SNED1: variants seen among roughly 807,000 people sequenced by gnomAD.
SNED1 encodes the protein sushi, nidogen and EGF like domains 1, also known as sushi, nidogen and EGF-like domain-containing protein 1.
SNED1 carries 81 observed loss-of-function variants against 166.7 expected under a neutral mutation model. The observed-to-expected ratio is 0.49, with a 90% CI of 0.41 to 0.58. The LOEUF (loss-of-function observed/expected upper bound fraction) is 0.58, where lower values mean the gene tolerates loss of function less well. Among genes scored for constraint, SNED1 ranks in the 20% least tolerant of loss-of-function variants. The pLI is 0.00. For missense variants in SNED1, 1,604 were observed against 2,000.2 expected, an observed-to-expected ratio of 0.80 and a Z score of 3.78; for synonymous variants, 762 against 822.0, an observed-to-expected ratio of 0.93 and a Z score of 1.25.
intron 27 of SNED1, among the ~76,000 whole-genome samples, chr2:241,078,210 C>T (rs1162862259): frequency 6.6e-6 from 1 of 151,588 alleles, no homozygotes; most frequent in Admixed American, 6.6e-5. Flanking sequence ...CGGTGAAACC[C>T]CGTCTCTACT....
At chr2:241,050,149 T>C in intron 12 of SNED1, 1 of 597,830 alleles carries the variant, frequency 1.7e-6, no homozygotes, top group Non-Finnish European at 3.1e-6. Flanking sequence ...TGCTGGTCAT[T>C]ACCTTGCTCT....
At chr2:241,070,305 C>A in intron 24 of SNED1, 104 bp downstream of exon 24, 2 of 1,244,066 alleles carry the variant, frequency 1.6e-6, no homozygotes, top group Non-Finnish European at 2.2e-6. Flanking sequence ...GCCAGGCAGA[C>A]AGCCTAGAAA....
chr2:241,027,731 C>CTTTTTTTTTTTTT lies in SNED1; in HGVS notation c.214-2552_214-2551insTTTTTTTTTTTTT, dbSNP rs1293401106. On this transcript the variant is annotated intron_variant, in intron 1 of 31. Coordinates refer to ENST00000310397, the MANE Select transcript of SNED1 (RefSeq NM_001080437.3). Reference sequence around the variant, plus strand: ...CTTCACCAACCCTTGTTATTTTCTTCTGTTTTTTTTTTTTTTTTTTAAGGT... The same window carrying CTTTTTTTTTTTTT: ...CTTCACCAACCCTTGTTATTTTCTTCTTTTTTTTTTTTTTGTTTTTTTTTTTTTTTTTTAAGGT... Among the ~76,000 whole-genome samples the CTTTTTTTTTTTTT allele has an allele frequency of 1.5e-5, 2 of 137,288 alleles. 1 individual carries two copies. The highest frequency in any genetic ancestry group is 3.1e-5 in the Non-Finnish European group (2 of 64,328). 90.1% of individuals were successfully genotyped at this position (137,288 alleles called of 152,430 possible).
At chr2:241,053,545 T>A (rs2061946471) in intron 16 of SNED1, among the ~76,000 whole-genome samples, 1 of 152,168 alleles carries the variant, frequency 6.6e-6, no homozygotes, top group African/African-American at 2.4e-5. Context: ...ACTAAAGGCT[T>A]CCCCATCCTC....
At chr2:241,043,432 C>G (rs187701681) in intron 8 of SNED1, among the ~76,000 whole-genome samples, 16 of 152,114 alleles carry the variant, frequency 1.1e-4, no homozygotes, top group African/African-American at 3.4e-4. Context: ...AAAAGTTAAG[C>G]TGAAATAAAG....
intron 27 of SNED1, among the ~76,000 whole-genome samples, chr2:241,080,881 G>C (rs1219935097): frequency 6.6e-6 from 1 of 152,242 alleles, no homozygotes; most frequent in African/African-American, 2.4e-5. Context: ...GGGTAGGTGA[G>C]GGAAAGCCTG....
At position 241,073,305 on chromosome 2, in the gene SNED1, C is replaced by G; in HGVS notation, c.3857C>G (p.Ala1286Gly). 1 of 1,571,674 alleles carries G rather than the reference C, an allele frequency of 6.4e-7. No homozygotes were observed. The highest frequency in any genetic ancestry group is 8.6e-7 in the Non-Finnish European group (1 of 1,159,742). The change falls in exon 27 of 32, where the codon GCC (alanine) becomes GGC (glycine). Residue 1286 changes from alanine (A) to glycine (G), a missense_variant. This residue lies in a region of SNED1 where 367 missense variants were observed against 379.4 expected (regional missense o/e 0.97). Coordinates refer to ENST00000310397, the MANE Select transcript of SNED1 (RefSeq NM_001080437.3). The surrounding 1 kb of genome is among the most constrained non-coding windows in gnomAD (Gnocchi z 6.6). ...GCGCAGCTCGAGAACATGGAGGAAG[C>G]CCCCAAGCGGGTCAGCCTGGCCCTC... ...ASAQLENMEE[A>G]PKRVSLALQL...
At chr2:241,040,493 T>C in intron 8 of SNED1, 80 bp downstream of exon 8, 1 of 879,830 alleles carries the variant, frequency 1.1e-6, no homozygotes, top group Non-Finnish European at 1.7e-6. Context: ...ACTTTCCCCT[T>C]CCTTCCTTGC....
chr2:241,055,718 C>G (rs1465265545), intron 16 of SNED1, among the ~76,000 whole-genome samples: 1 of 152,188 alleles, frequency 6.6e-6, no homozygotes, highest in Non-Finnish European at 1.5e-5. Context: ...GTTCTCAGCA[C>G]CTACCAGGTC....
intron 29 of SNED1, among the ~76,000 whole-genome samples, chr2:241,086,412 T>C (rs916335006): frequency 2.0e-5 from 3 of 152,192 alleles, no homozygotes; most frequent in Admixed American, 1.3e-4. Flanking sequence ...AACTTCAATC[T>C]CTGTTTCCTC....
chr2:241,044,715 C>T lies in SNED1; in HGVS notation c.1274-3600C>T, dbSNP rs374409733. Among the ~76,000 whole-genome samples, 12 of 152,132 alleles carry T rather than the reference C, an allele frequency of 7.9e-5. No individual in the cohort carries two copies. In the East Asian group the frequency reaches 9.6e-4, roughly 12 times the overall value. On this transcript the variant is annotated intron_variant, in intron 8 of 31. Transcript: ENST00000310397. ...GGAATCCTCAAGTGCCCTTAAACTG[C>T]GAAGGAAGAAACCTTCCTCTCCAGT... is the stretch of plus-strand genomic sequence containing the variant.
In SNED1 at chr2:241,030,478, C is replaced by T; in HGVS notation, c.408C>T (p.His136=). 6.2e-7 allele frequency: 1 copy of T among 1,613,954 alleles called. No homozygotes were observed. Among genetic ancestry groups the T allele is most frequent in the Non-Finnish European group, 8.5e-7 (1 of 1,179,890 alleles). ...MLRRATEDVR[H]YFPELLDFNA... ...GCCGAGCCACGGAGGACGTCAGGCA[C>T]TACTTCCCCGAGCTCCTGGACTTCA... Residue 136 remains histidine (H), a synonymous_variant, in exon 2 of 32, where the codon CAC becomes CAT. Transcript: ENST00000310397.
In SNED1 at chr2:241,039,936, G is replaced by A. The variant is rs1045168255; in HGVS notation, c.1046-139G>A. On this transcript the variant is annotated intron_variant, in intron 6 of 31. Coordinates refer to ENST00000310397, the MANE Select transcript of SNED1 (RefSeq NM_001080437.3). ...CAGGCCTCTTTCTTGCCTGTCGCCC[G>A]CTCAGAAACCTGCCTGCCAGGCCCC... 210 of 672,068 alleles carry A rather than the reference G, an allele frequency of 3.1e-4. 1 individual carries two copies. The highest frequency in any genetic ancestry group is 1.1e-4 in the African/African-American group (6 of 55,510). The allele number at this position is 672,068 out of a possible 1,614,324, so 41.6% of individuals were successfully genotyped here.
Position 241,049,018 on chromosome 2 carries a change from C to T in SNED1, c.1505-4C>T. ...TGGGATGGGGCTTCCTCCTTTCTCT[C>T]TAGAAATCACAGCCATGCCCTGCAA... On this transcript the variant is annotated splice_region_variant and splice_polypyrimidine_tract_variant and intron_variant, in intron 10 of 31. Transcript: ENST00000310397. 1.2e-6 allele frequency: 2 copies of T among 1,608,816 alleles called. No homozygotes were observed. Among genetic ancestry groups the T allele is most frequent in the African/African-American group, 1.3e-5 (1 of 74,948 alleles).
At position 241,031,453 on chromosome 2, in the gene SNED1, A is replaced by C. The variant is rs544635152; in HGVS notation, c.501+882A>C. Among the ~76,000 whole-genome samples the C allele has an allele frequency of 2.0e-5, 3 of 152,298 alleles. No homozygotes were observed. The South Asian group carries it at 6.2e-4, about 32-fold the overall frequency. ...AAACACTTTTTAAGAGCACCTTCCA[A>C]GTGACAGGCAAGTGTTCTAGGCACT... On this transcript the variant is annotated intron_variant, in intron 2 of 31. Coordinates refer to ENST00000310397, the MANE Select transcript of SNED1 (RefSeq NM_001080437.3).
chr2:241,023,888 C>CTTTTTTTTT lies in SNED1; in HGVS notation c.214-6385_214-6377dup, dbSNP rs34234341. On this transcript the variant is annotated intron_variant, in intron 1 of 31. Coordinates refer to ENST00000310397, the MANE Select transcript of SNED1 (RefSeq NM_001080437.3). ...TTCTCTCTTTTTTTCTTTTTTTTTC[C>CTTTTTTTTT]TTTTTTTTTTTTTTTTTTTGAGACA... 8.5e-4 allele frequency among the ~76,000 whole-genome samples: 78 copies of CTTTTTTTTT among 92,000 alleles called. 3 individuals are homozygous for CTTTTTTTTT. The highest frequency in any genetic ancestry group is 3.9e-3 in the East Asian group (11 of 2,788). 60.4% of individuals were successfully genotyped at this position (92,000 alleles called of 152,430 possible). A position where few individuals can be genotyped will look rare whatever the true frequency, so the allele number is the denominator to read the frequency against.
intron 6 of SNED1, among the ~76,000 whole-genome samples, 171 bp downstream of exon 6, chr2:241,037,524 G>A (rs1157869197): frequency 6.6e-6 from 1 of 152,194 alleles, no homozygotes; most frequent in South Asian, 2.1e-4. Flanking sequence ...CCAGGGAAAG[G>A]CCCATATCTG....
At chr2:241,084,400 C>T (rs2063480924) in intron 29 of SNED1, among the ~76,000 whole-genome samples, 2 of 152,086 alleles carry the variant, frequency 1.3e-5, no homozygotes, top group African/African-American at 4.8e-5. Flanking sequence ...GTGATCCACC[C>T]ACCTTGCCCT....
At position 241,037,343 on chromosome 2, in the gene SNED1, C is replaced by T; in HGVS notation, c.1035C>T (p.Thr345=). ...CQCPAGFGGP[T]CETAQSPCDT... is the part of the protein sequence containing the mutation. ...GCCCGGCTGGCTTTGGGGGACCCAC[C>T]TGTGAGACAGGTAAGAGGAACCCAC... is the stretch of plus-strand genomic sequence containing the variant. The change falls in exon 6 of 32, where the codon ACC becomes ACT. Residue 345 remains threonine, a synonymous_variant. Transcript: ENST00000310397. 6.2e-7 allele frequency: 1 copy of T among 1,606,810 alleles called. No homozygotes were observed. Among genetic ancestry groups the T allele is most frequent in the Admixed American group, 1.7e-5 (1 of 59,304 alleles).
Sources: gnomAD v4.1 joint callset for allele counts (sites outside exome capture counted in the v4.1 genomes callset) on GRCh38, gnomAD v4.1.1 for gene constraint, gnomAD v4.1.1 regional missense constraint, Gnocchi (gnomAD v3.1) non-coding constraint, MANE v1.5 for transcripts, NCBI Gene and HGNC (gene_info 2026-07-23, HGNC 2026-07-21) for gene names.